Variants in CLSPN observed in about 807,000 individuals in gnomAD.
The protein encoded by CLSPN is claspin homolog.
In CLSPN, 85 loss-of-function variants were observed where a neutral mutation model predicts 156.3. The ratio of observed to expected loss-of-function variants is 0.54; its 90% CI spans 0.46 to 0.65. CLSPN has a LOEUF of 0.65. Among genes scored for constraint, CLSPN ranks in the 30% least tolerant of loss-of-function variants. CLSPN has a pLI of 0.00. For missense variants in CLSPN, 1,407 were observed against 1,554.9 expected, an observed-to-expected ratio of 0.90 and a Z score of 1.60; for synonymous variants, 534 against 542.4, an observed-to-expected ratio of 0.98 and a Z score of 0.22.
rs150072993 is a variant in CLSPN at position 35,764,647 on chromosome 1, G to T, written c.201C>A (p.Ser67=). ...GAGAGGCATTTGTGTCCTCTGTTTC[G>T]GAATCACTGTCTTGTAGAACCTTCC... is the stretch of plus-strand genomic sequence containing the variant. The part of the protein sequence containing the change: ...KNRKVLQDSD[S]ETEDTNASPE... The change falls in exon 3 of 25, where the codon TCC becomes TCA. Residue 67 remains serine, a synonymous_variant. Coordinates refer to ENST00000318121, the MANE Select transcript of CLSPN (RefSeq NM_022111.4). 6.2e-7 allele frequency: 1 copy of T among 1,611,276 alleles called. No homozygotes were observed. The highest frequency in any genetic ancestry group is 1.1e-5 in the South Asian group (1 of 90,100).
intron 4 of CLSPN, 63 bp from the exon 5 acceptor site, chr1:35,762,544 G>A (rs1642519019): frequency 7.9e-7 from 1 of 1,262,800 alleles, no homozygotes; most frequent in Admixed American, 1.7e-5. Context: ...TGCTTTAGCT[G>A]AAGACTACTT....
At chr1:35,764,923 A>G (rs886227177) in intron 2 of CLSPN, among the ~76,000 whole-genome samples, 3 of 152,186 alleles carry the variant, frequency 2.0e-5, no homozygotes, top group African/African-American at 7.2e-5. Flanking sequence ...GGGAAATGTA[A>G]TTTTACGTAT....
chr1:35,745,542 A>G lies in CLSPN; in HGVS notation c.2875T>C (p.Ser959Pro). Reference protein sequence around the residue: ...TSQDASTPASSELNKQEKESS... With the variant: ...TSQDASTPASPELNKQEKESS... ...TCCTTCTCCTGTTTATTTAACTCTG[A>G]TGAGGCTGGAGTGGAGGCATCTACA... The change falls in exon 16 of 25, where the codon TCA (serine) becomes CCA (proline). Residue 959 changes from serine to proline, a missense_variant. By Grantham distance (74) the Ser-to-Pro change is moderately conservative. Around this residue, in one of 3 missense-constraint regions of CLSPN, gnomAD observed 1,096 missense variants for 1,193.0 expected, o/e 0.92. Transcript: ENST00000318121. The G allele has an allele frequency of 6.2e-7, 1 of 1,613,594 alleles. No individual in the cohort carries two copies. Among genetic ancestry groups the G allele is most frequent in the Non-Finnish European group, 8.5e-7 (1 of 1,179,534 alleles).
chr1:35,738,445 G>T lies in CLSPN; in HGVS notation c.3558+10C>A. 6.2e-7 allele frequency: 1 copy of T among 1,613,296 alleles called. No homozygotes were observed. Among genetic ancestry groups the T allele is most frequent in the South Asian group, 1.1e-5 (1 of 91,010 alleles). On this transcript the variant is annotated intron_variant, in intron 21 of 24. Coordinates refer to ENST00000318121, the MANE Select transcript of CLSPN (RefSeq NM_022111.4). Reference sequence around the variant, plus strand: ...CTCATAAACTAGGGTCAGAGTAGGTGAACTCCTACCATGTCCCGAAGCCAC... The same window carrying T: ...CTCATAAACTAGGGTCAGAGTAGGTTAACTCCTACCATGTCCCGAAGCCAC...
chr1:35,748,477 G>A lies in CLSPN; in HGVS notation c.2400C>T (p.Phe800=). The A allele has an allele frequency of 3.1e-6, 5 of 1,614,100 alleles. No homozygotes were observed. The highest frequency in any genetic ancestry group is 4.2e-6 in the Non-Finnish European group (5 of 1,179,994). ...NRQTGRGTSF[F]PTAGGFRSPS... ...GAGATCTGAATCCTCCTGCTGTAGG[G>A]AAAAAACTGGTCCCACGGCCTGTTT... Residue 800 remains phenylalanine, a synonymous_variant, in exon 13 of 25, where the codon TTC becomes TTT. Transcript: ENST00000318121.
At chr1:35,738,343 C>A in intron 21 of CLSPN, 112 bp downstream of exon 21, 2 of 1,078,290 alleles carry the variant, frequency 1.9e-6, no homozygotes, top group Non-Finnish European at 2.7e-6. Context: ...AAAGAGATAG[C>A]AATATGTTGC....
At chr1:35,750,668 C>T (rs1481033336) in intron 10 of CLSPN, among the ~76,000 whole-genome samples, 1 of 152,026 alleles carries the variant, frequency 6.6e-6, no homozygotes, top group Non-Finnish European at 1.5e-5. Flanking sequence ...GCTAGGATTA[C>T]AGGCATGAGC....
chr1:35,737,550 T>C lies in CLSPN; in HGVS notation c.3665-129A>G, dbSNP rs899995164. 4 of 659,664 alleles carry C rather than the reference T, an allele frequency of 6.1e-6. No individual in the cohort carries two copies. In the African/African-American group the frequency reaches 7.2e-5, roughly 12 times the overall value. 40.9% of individuals were successfully genotyped at this position (659,664 alleles called of 1,614,324 possible). ...GCCATGGGAACTCTGTTCTATATAA[T>C]GGTGACTTTCAAACTATAATAATTG... is the stretch of plus-strand genomic sequence containing the variant. On this transcript the variant is annotated intron_variant, in intron 22 of 24. Transcript: ENST00000318121.
intron 8 of CLSPN, 81 bp downstream of exon 8, chr1:35,760,259 TTC>T: frequency 1.9e-6 from 2 of 1,079,416 alleles, no homozygotes; most frequent in Non-Finnish European, 2.7e-6. Context: ...TCCTCCTGTG[TTC>T]TCTGTCCTCG....
chr1:35,740,749 C>T (rs1641662925), intron 18 of CLSPN, among the ~76,000 whole-genome samples: 1 of 152,108 alleles, frequency 6.6e-6, no homozygotes, highest in Admixed American at 6.6e-5. Context: ...CTAAGTTGTT[C>T]TAAATCCTAG....
At chr1:35,737,263 G>T in intron 23 of CLSPN, 76 bp downstream of exon 23, 1 of 1,366,176 alleles carries the variant, frequency 7.3e-7, no homozygotes. Flanking sequence ...TAATGACAGA[G>T]ACTATTCTCT....
intron 24 of CLSPN, among the ~76,000 whole-genome samples, chr1:35,725,059 C>T (rs1299984880): frequency 6.6e-6 from 1 of 152,190 alleles, no homozygotes; most frequent in African/African-American, 2.4e-5. Flanking sequence ...TTTTCCTCAA[C>T]AAAATCTTTC....
At position 35,753,761 on chromosome 1, in the gene CLSPN, T is replaced by C; in HGVS notation, c.1755A>G (p.Ala585=). 1 of 1,614,228 alleles carries C rather than the reference T, an allele frequency of 6.2e-7. No individual in the cohort carries two copies. The highest frequency in any genetic ancestry group is 8.5e-7 in the Non-Finnish European group (1 of 1,180,036). ...CTCAAATACCTGGTTTTGTGTGGCT[T>C]GCTCCATCCAACTTCTTAGGTGCTA... The part of the protein sequence containing the change: ...VTLAPKKLDG[A]SHTKPGEKLQ... The change falls in exon 9 of 25, where the codon GCA becomes GCG. Residue 585 remains alanine (A), a synonymous_variant. Transcript: ENST00000318121.
Position 35,732,734 on chromosome 1 carries a change from T to G in CLSPN, c.*3762A>C. 1.0e-6 allele frequency: 1 copy of G among 985,450 alleles called. No individual in the cohort carries two copies. The highest frequency in any genetic ancestry group is 1.2e-6 in the Non-Finnish European group (1 of 829,926). The allele number at this position is 985,450 out of a possible 1,614,324, so 61.0% of individuals were successfully genotyped here. A position where few individuals can be genotyped will look rare whatever the true frequency, so the allele number is the denominator to read the frequency against. ...TCCTCAGAGCCATAGTGGCAGGTCC[T>G]GGGGCTTCAATTTCATTAAAACATA... On this transcript the variant is annotated 3_prime_UTR_variant, in exon 25 of 25. Transcript: ENST00000318121.
intron 18 of CLSPN, among the ~76,000 whole-genome samples, chr1:35,741,504 C>T (rs1435178910): frequency 6.6e-6 from 1 of 151,942 alleles, no homozygotes; most frequent in African/African-American, 2.4e-5. Flanking sequence ...TTAGTAGAGA[C>T]GGGGTCTCGC....
chr1:35,741,172 T>C (rs1474834546), intron 18 of CLSPN, among the ~76,000 whole-genome samples: 2 of 152,076 alleles, frequency 1.3e-5, no homozygotes, highest in East Asian at 3.8e-4. Context: ...AAAAAAAAGA[T>C]GCAAAATTAT....
At chr1:35,739,759 T>C (rs1433292891) in intron 18 of CLSPN, among the ~76,000 whole-genome samples, 2 of 152,248 alleles carry the variant, frequency 1.3e-5, no homozygotes, top group African/African-American at 2.4e-5. Context: ...CGATTTACGA[T>C]GGAGTTATAT....
chr1:35,720,993 T>A, intron 24 of CLSPN: 1 of 1,579,696 alleles, frequency 6.3e-7, no homozygotes, highest in Non-Finnish European at 8.7e-7. Context: ...GAAACGAAAT[T>A]AAAGGAAGAC....
chr1:35,763,857 A>G (rs1007227806), intron 3 of CLSPN, among the ~76,000 whole-genome samples: 1 of 151,078 alleles, frequency 6.6e-6, no homozygotes, highest in Admixed American at 6.6e-5. Flanking sequence ...GCAGTGGTAC[A>G]ATTACAGCTT....
Sources: allele counts gnomAD v4.1 joint callset (sites outside exome capture counted in the v4.1 genomes callset), GRCh38; gene constraint gnomAD v4.1.1; regional missense constraint gnomAD v4.1.1; transcripts MANE v1.5; gene names NCBI Gene and HGNC (gene_info 2026-07-23, HGNC 2026-07-21).